The following HTR1F variants were observed in gnomAD, a reference collection of about 807,000 sequenced individuals.
The protein encoded by HTR1F is 5-hydroxytryptamine (serotonin) receptor 1F, G protein-coupled.
A neutral mutation model predicts 24.0 loss-of-function variants in HTR1F; 17 were observed. That is an observed-to-expected ratio of 0.71 (90% CI 0.48 to 1.06). The LOEUF (loss-of-function observed/expected upper bound fraction) is 1.06. Ranked by LOEUF, HTR1F falls within the 50% of genes least tolerant of loss-of-function variation. The pLI is 0.00. For missense variants in HTR1F, 391 were observed against 427.8 expected (o/e 0.91, Z 0.76); for synonymous variants, 186 against 156.8 (o/e 1.19, Z -1.39).
intron 1 of HTR1F, among the ~76,000 whole-genome samples, 56 bp from the exon 2 acceptor site, chr3:87,821,952 G>A (rs1704367920): frequency 6.6e-6 from 1 of 152,146 alleles, no homozygotes; most frequent in Non-Finnish European, 1.5e-5. Flanking sequence ...TTACGGCTGG[G>A]AAAATTTCAG....
chr3:87,844,275 C>T (rs1445523342), intron 2 of HTR1F, among the ~76,000 whole-genome samples: 1 of 151,162 alleles, frequency 6.6e-6, no homozygotes, highest in Non-Finnish European at 1.5e-5. Flanking sequence ...TCTCTGATGG[C>T]CAGTGATGGT....
At chr3:87,935,902 G>C (rs1453507209) in intron 2 of HTR1F, among the ~76,000 whole-genome samples, 6 of 151,912 alleles carry the variant, frequency 3.9e-5, no homozygotes, top group African/African-American at 7.3e-5. Flanking sequence ...CCAGGCTGGA[G>C]TGCAGTGGCA....
chr3:87,802,045 C>T, intron 1 of HTR1F, among the ~76,000 whole-genome samples: 1 of 134,810 alleles, frequency 7.4e-6, no homozygotes, highest in Non-Finnish European at 1.6e-5. Context: ...CCCTCCCTCC[C>T]TTCCTTCCTT....
intron 2 of HTR1F, among the ~76,000 whole-genome samples, chr3:87,953,616 A>G (rs1383827945): frequency 1.3e-5 from 2 of 151,856 alleles, no homozygotes; most frequent in African/African-American, 2.4e-5. Context: ...CCATTATGGA[A>G]CGCAGTGGGA....
At chr3:87,875,071 T>C (rs1334977456) in intron 2 of HTR1F, among the ~76,000 whole-genome samples, 2 of 152,212 alleles carry the variant, frequency 1.3e-5, no homozygotes, top group Non-Finnish European at 2.9e-5. Context: ...GATATTGGTC[T>C]GGGCAATAAT....
chr3:87,890,768 A>G (rs933978707), intron 2 of HTR1F, among the ~76,000 whole-genome samples: 2 of 152,144 alleles, frequency 1.3e-5, no homozygotes, highest in African/African-American at 4.8e-5. Context: ...TATTTTAAAA[A>G]GTACACAAAT....
At chr3:87,886,683 G>A (rs952292099) in intron 2 of HTR1F, among the ~76,000 whole-genome samples, 5 of 151,460 alleles carry the variant, frequency 3.3e-5, no homozygotes, top group East Asian at 1.9e-4. Context: ...ACAAGCATTC[G>A]TCTACACCAA....
intron 2 of HTR1F, among the ~76,000 whole-genome samples, chr3:87,840,697 G>T (rs1217176303): frequency 6.7e-6 from 1 of 150,098 alleles, no homozygotes; most frequent in African/African-American, 2.5e-5. Context: ...TTCATCATTA[G>T]ATGAATATTT....
At chr3:87,990,366 G>T (rs574857862) in intron 2 of HTR1F, among the ~76,000 whole-genome samples, 1 of 152,196 alleles carries the variant, frequency 6.6e-6, no homozygotes, top group South Asian at 2.1e-4. Context: ...TATTGAGATC[G>T]GGCCTGCCAC....
chr3:87,985,058 G>A (rs970506739), intron 2 of HTR1F, among the ~76,000 whole-genome samples: 1 of 152,100 alleles, frequency 6.6e-6, no homozygotes, highest in Non-Finnish European at 1.5e-5. Flanking sequence ...CTTGAGGGCT[G>A]GGCACAGTGG....
At chr3:87,896,368 G>A (rs962554380) in intron 2 of HTR1F, among the ~76,000 whole-genome samples, 1 of 152,188 alleles carries the variant, frequency 6.6e-6, no homozygotes, top group Non-Finnish European at 1.5e-5. Flanking sequence ...TGTGTGCCAG[G>A]CACTGTGCCT....
chr3:87,939,213 G>T (rs1046800305), intron 2 of HTR1F, among the ~76,000 whole-genome samples: 3 of 152,190 alleles, frequency 2.0e-5, no homozygotes, highest in African/African-American at 7.2e-5. Flanking sequence ...TTGCATCATA[G>T]GGATGAAGCT....
In HTR1F at chr3:87,904,583, A is replaced by T. The variant is rs140467053; in HGVS notation, c.-43+82459A>T. 7.4e-3 allele frequency among the ~76,000 whole-genome samples: 1,121 copies of T among 152,204 alleles called. 20 individuals carry two copies. The highest frequency in any genetic ancestry group is 0.031 in the Middle Eastern group (9 of 294). The stretch of plus-strand genomic sequence containing the variant: ...TATTTCATGCAACAATATGAAACTC[A>T]CAACCCAGATGTTCTTCAGTAATAA... On this transcript the variant is annotated intron_variant, in intron 2 of 2. Coordinates refer to ENST00000319595, the MANE Select transcript of HTR1F (RefSeq NM_001322209.2).
rs761188837 is a variant in HTR1F, at chr3:87,991,839, T to C, written c.1090T>C (p.Cys364Arg). 1 of 1,566,406 alleles carries C rather than the reference T, an allele frequency of 6.4e-7. No individual in the cohort carries two copies. Among genetic ancestry groups the C allele is most frequent in the Admixed American group, 2.0e-5 (1 of 50,450 alleles). Residue 364 changes from cysteine to arginine, a missense_variant, in exon 3 of 3, where the codon TGT (cysteine) becomes CGT (arginine). By Grantham distance (180) the Cys-to-Arg change is radical. Transcript: ENST00000319595. The stretch of plus-strand genomic sequence containing the variant: ...GAAAGCATTCCAAAAGCTTGTGCGA[T>C]GTCGATGTTAGTTTTAAAAATGTTT... Reference protein sequence around the residue: ...FKKAFQKLVRCRC With the variant: ...FKKAFQKLVRRRC
At chr3:87,876,984 AAG>A in intron 2 of HTR1F, among the ~76,000 whole-genome samples, 1 of 151,148 alleles carries the variant, frequency 6.6e-6, no homozygotes, top group Middle Eastern at 3.4e-3. Context: ...AAAATAAAAA[AAG>A]AAAGATTTCA....
intron 2 of HTR1F, among the ~76,000 whole-genome samples, chr3:87,850,653 T>C (rs1705064842): frequency 6.6e-6 from 1 of 151,692 alleles, no homozygotes; most frequent in African/African-American, 2.4e-5. Flanking sequence ...AATTATGATA[T>C]ATTCAAAAAT....
chr3:87,959,854 A>T (rs1486428254), intron 2 of HTR1F, among the ~76,000 whole-genome samples: 4 of 151,838 alleles, frequency 2.6e-5, no homozygotes, highest in Non-Finnish European at 4.4e-5. Flanking sequence ...CACATATTTA[A>T]ACAGGTTCTC....
chr3:87,953,354 A>C (rs1576083256), intron 2 of HTR1F, among the ~76,000 whole-genome samples: 1 of 42,542 alleles, frequency 2.4e-5, no homozygotes, highest in African/African-American at 7.2e-4. Context: ...TTTAACGGCA[A>C]AAAAAAAAAG....
chr3:87,894,929 G>A (rs769609650), intron 2 of HTR1F, among the ~76,000 whole-genome samples: 1 of 152,140 alleles, frequency 6.6e-6, no homozygotes, highest in Non-Finnish European at 1.5e-5. Flanking sequence ...ATACAGCACT[G>A]TTAGCGTGAC....
Sources: allele counts gnomAD v4.1 joint callset (sites outside exome capture counted in the v4.1 genomes callset), GRCh38; gene constraint gnomAD v4.1.1; transcripts MANE v1.5; gene names NCBI Gene and HGNC (gene_info 2026-07-23, HGNC 2026-07-21).